INPP5A: variants seen among roughly 807,000 people sequenced by gnomAD.
INPP5A encodes 43 kDa inositol polyphosphate 5-phophatase.
Under a neutral mutation model 65.2 loss-of-function variants are expected in INPP5A, and 14 were observed. The ratio of observed to expected loss-of-function variants is 0.21; its 90% CI spans 0.14 to 0.34. The LOEUF (loss-of-function observed/expected upper bound fraction) is 0.34. INPP5A is among the 10% of genes least tolerant of loss of function. The pLI, the probability that INPP5A is intolerant of heterozygous loss-of-function variation, is 1.00. For synonymous variants in INPP5A, 207 were observed against 208.3 expected (o/e 0.99, Z 0.05); for missense variants, 431 against 545.6 (o/e 0.79, Z 2.09).
At position 132,782,623 on chromosome 10, in the gene INPP5A, C is replaced by T. The variant is rs1202819486; in HGVS notation, c.*594C>T. On this transcript the variant is annotated 3_prime_UTR_variant, in exon 16 of 16. Transcript: ENST00000368594. This position sits in a 1 kb window ranked among gnomAD's most constrained non-coding sequence, Gnocchi z 4.4. Reference sequence around the variant, plus strand: ...ATATATAAATATATATAAATATATACTTTTTAAAAATAATTTATAAATCTT... The same window carrying T: ...ATATATAAATATATATAAATATATATTTTTTAAAAATAATTTATAAATCTT... The T allele has an allele frequency of 6.6e-6, 1 of 150,464 alleles. No individual in the cohort carries two copies. Among genetic ancestry groups the T allele is most frequent in the Non-Finnish European group, 1.5e-5 (1 of 67,730 alleles). 9.3% of individuals were successfully genotyped at this position (150,464 alleles called of 1,614,324 possible).
At chr10:132,540,086 G>A (rs2070889852) in intron 1 of INPP5A, among the ~76,000 whole-genome samples, 1 of 152,182 alleles carries the variant, frequency 6.6e-6, no homozygotes, top group Non-Finnish European at 1.5e-5. Flanking sequence ...TGTCACTATA[G>A]CATGGTTTTG....
Position 132,561,645 on chromosome 10 carries a change from T to C in INPP5A, c.75+23474T>C, listed in dbSNP as rs532958353. 4.9e-3 allele frequency among the ~76,000 whole-genome samples: 740 copies of C among 152,280 alleles called. 5 individuals carry two copies. Among genetic ancestry groups the C allele is most frequent in the African/African-American group, 0.017 (702 of 41,536 alleles). On this transcript the variant is annotated intron_variant, in intron 1 of 15. Coordinates refer to ENST00000368594, the MANE Select transcript of INPP5A (RefSeq NM_005539.5). ...GAAAGTGAGAGTTCCAACTTTGTTG[T>C]CTTTTATTCAAGATTGTTTTGACTA...
intron 2 of INPP5A, among the ~76,000 whole-genome samples, chr10:132,621,627 T>C (rs1170893769): frequency 6.6e-6 from 1 of 152,160 alleles, no homozygotes; most frequent in Non-Finnish European, 1.5e-5. Context: ...AGAGGAATAA[T>C]CACTTATGCC....
intron 6 of INPP5A, among the ~76,000 whole-genome samples, chr10:132,703,263 C>T (rs951337682): frequency 2.6e-5 from 4 of 152,132 alleles, no homozygotes; most frequent in African/African-American, 7.2e-5. Flanking sequence ...CTCTTGCGGT[C>T]GTTGTCATAC....
intron 9 of INPP5A, among the ~76,000 whole-genome samples, chr10:132,740,300 A>G (rs1846250832): frequency 6.6e-6 from 1 of 152,162 alleles, no homozygotes; most frequent in South Asian, 2.1e-4. Context: ...TCTGAACTGT[A>G]ACGGAATTAC....
At chr10:132,612,698 T>C (rs1224463932) in intron 2 of INPP5A, among the ~76,000 whole-genome samples, 2 of 152,232 alleles carry the variant, frequency 1.3e-5, no homozygotes, top group African/African-American at 4.8e-5. Flanking sequence ...GGCCCTCGGC[T>C]GTGAGGGGCT....
chr10:132,626,170 C>T (rs558032904), intron 2 of INPP5A, among the ~76,000 whole-genome samples: 1 of 152,372 alleles, frequency 6.6e-6, no homozygotes, highest in East Asian at 1.9e-4. Flanking sequence ...TTGTCACACA[C>T]TGTGGCTCAG....
chr10:132,749,863 T>C lies in INPP5A; in HGVS notation c.903+18T>C, dbSNP rs1846442317. 6.2e-7 allele frequency: 1 copy of C among 1,607,918 alleles called. No individual in the cohort carries two copies. Among genetic ancestry groups the C allele is most frequent in the African/African-American group, 1.3e-5 (1 of 74,982 alleles). Reference sequence around the variant, plus strand: ...GCACCGCGGTGAGTTTGTGGTCCAATGTGGCAGCTCCCCCGTCCTGGGACA... The same window carrying C: ...GCACCGCGGTGAGTTTGTGGTCCAACGTGGCAGCTCCCCCGTCCTGGGACA... On this transcript the variant is annotated intron_variant, in intron 11 of 15. Transcript: ENST00000368594.
rs2071804013 is a variant in INPP5A, at chr10:132,603,695, T to C, written c.76-4220T>C. 1.3e-5 allele frequency among the ~76,000 whole-genome samples: 2 copies of C among 152,326 alleles called. No individual in the cohort carries two copies. The highest frequency in any genetic ancestry group is 4.1e-4 in the South Asian group (2 of 4,830). On this transcript the variant is annotated intron_variant, in intron 1 of 15. Transcript: ENST00000368594. The surrounding 1 kb of genome is among the most constrained non-coding windows in gnomAD (Gnocchi z 4.2). ...CTGGTTTGGAAGGTATCATGATTCT[T>C]AGGCAGCCTCTCAGCTCCTGGGCCC...
rs544375296 is a variant in INPP5A, at chr10:132,708,258, G to C, written c.475-55G>C. 3.9e-5 allele frequency: 59 copies of C among 1,522,122 alleles called. No homozygotes were observed. The South Asian group carries it at 6.4e-4, about 17-fold the overall frequency. The allele number at this position is 1,522,122 out of a possible 1,614,324, so 94.3% of individuals were successfully genotyped here. Reference sequence around the variant, plus strand: ...TGTCCTTTAGGTGTGTGGGACCCACGTGTTGCTCTTGCTCACTTACTCTGG... The same window carrying C: ...TGTCCTTTAGGTGTGTGGGACCCACCTGTTGCTCTTGCTCACTTACTCTGG... On this transcript the variant is annotated intron_variant, in intron 6 of 15. Transcript: ENST00000368594.
chr10:132,632,734 A>G (rs1161314693), intron 2 of INPP5A, among the ~76,000 whole-genome samples: 1 of 152,218 alleles, frequency 6.6e-6, no homozygotes, highest in African/African-American at 2.4e-5. Context: ...ATATATTAAA[A>G]CCAAAGGCAA....
chr10:132,620,204 C>T (rs1383816187), intron 2 of INPP5A, among the ~76,000 whole-genome samples: 1 of 152,226 alleles, frequency 6.6e-6, no homozygotes, highest in South Asian at 2.1e-4. Flanking sequence ...GCCTTCAAGG[C>T]CTTTTTGTCA....
At chr10:132,696,792 A>C (rs1192045104) in intron 5 of INPP5A, among the ~76,000 whole-genome samples, 4 of 152,110 alleles carry the variant, frequency 2.6e-5, no homozygotes, top group South Asian at 4.1e-4. Context: ...GGGTCACAGC[A>C]CCCAGGGCCA....
intron 12 of INPP5A, among the ~76,000 whole-genome samples, chr10:132,775,979 G>A (rs1335934581): frequency 5.3e-5 from 8 of 152,054 alleles, no homozygotes; most frequent in Non-Finnish European, 1.2e-4. Context: ...GGCAGTGGAC[G>A]TGTGTGCGGA....
rs1431970135 is a variant in INPP5A, at chr10:132,762,978, G to A, written c.904-2795G>A. Among the ~76,000 whole-genome samples the A allele has an allele frequency of 6.6e-6, 1 of 152,200 alleles. No homozygotes were observed. Among genetic ancestry groups the A allele is most frequent in the Non-Finnish European group, 1.5e-5 (1 of 68,044 alleles). On this transcript the variant is annotated intron_variant, in intron 11 of 15. Transcript: ENST00000368594. The surrounding 1 kb of genome is among the most constrained non-coding windows in gnomAD (Gnocchi z 4.6). ...CACTCCAGCCTGGGTGACAGAGGGA[G>A]ACTCTGTTTCAATAAATAAATAAAT...
At position 132,741,813 on chromosome 10, in the gene INPP5A, G is replaced by A. The variant is rs1846278115; in HGVS notation, c.733-7704G>A. Among the ~76,000 whole-genome samples, 1 of 151,388 alleles carries A rather than the reference G, an allele frequency of 6.6e-6. No homozygotes were observed. Among genetic ancestry groups the A allele is most frequent in the African/African-American group, 2.4e-5 (1 of 41,270 alleles). ...CTTTACTCAATAGCCGACGTAAACT[G>A]AGGTGGACGTTGGCGTCCGCGTCTG... On this transcript the variant is annotated intron_variant, in intron 9 of 15. Coordinates refer to ENST00000368594, the MANE Select transcript of INPP5A (RefSeq NM_005539.5). This position sits in a 1 kb window ranked among gnomAD's most constrained non-coding sequence, Gnocchi z 4.4.
At chr10:132,721,895 G>A (rs1273662542) in intron 8 of INPP5A, among the ~76,000 whole-genome samples, 1 of 152,174 alleles carries the variant, frequency 6.6e-6, no homozygotes, top group Non-Finnish European at 1.5e-5. Context: ...GCTTTATGGG[G>A]GTAGAGCTCA....
intron 9 of INPP5A, among the ~76,000 whole-genome samples, chr10:132,729,028 G>A (rs954900959): frequency 6.9e-6 from 1 of 144,672 alleles, no homozygotes. Flanking sequence ...GGCGTGGGGG[G>A]CCTGGACTCC....
intron 2 of INPP5A, among the ~76,000 whole-genome samples, chr10:132,624,807 A>C (rs1590875703): frequency 6.6e-6 from 1 of 151,214 alleles, no homozygotes; most frequent in African/African-American, 2.4e-5. Context: ...CCTCTGCTCC[A>C]CACCCCACCC....
Sources: gnomAD v4.1 joint callset for allele counts (sites outside exome capture counted in the v4.1 genomes callset) on GRCh38, gnomAD v4.1.1 for gene constraint, Gnocchi (gnomAD v3.1) non-coding constraint, MANE v1.5 for transcripts, NCBI Gene and HGNC (gene_info 2026-07-23, HGNC 2026-07-21) for gene names.